IL15: variants seen among roughly 807,000 people sequenced by gnomAD.
IL15 encodes interleukin 15, also known as interleukin-15.
A neutral mutation model predicts 19.6 loss-of-function variants in IL15; 11 were observed. The observed-to-expected ratio is 0.56, with a 90% confidence interval of 0.35 to 0.93. The LOEUF (loss-of-function observed/expected upper bound fraction) is 0.93. IL15 is among the 40% of genes least tolerant of loss of function. The pLI, the probability that IL15 is intolerant of heterozygous loss-of-function variation, is 0.01. For missense variants in IL15, 197 were observed against 186.5 expected, an observed-to-expected ratio of 1.06 and a Z score of -0.33; for synonymous variants, 58 against 59.6, an observed-to-expected ratio of 0.97 and a Z score of 0.12.
chr4:141,728,895 A>G (rs779767772), intron 6 of IL15, among the ~76,000 whole-genome samples: 24 of 152,080 alleles, frequency 1.6e-4, no homozygotes, highest in Non-Finnish European at 3.5e-4. Context: ...CTTTTTTGCA[A>G]GAAGATAACT....
chr4:141,694,495 A>G (rs1208475864), intron 2 of IL15, among the ~76,000 whole-genome samples: 1 of 152,176 alleles, frequency 6.6e-6, no homozygotes, highest in Non-Finnish European at 1.5e-5. Context: ...CAATGAAGGA[A>G]AAAAGAGGCA....
chr4:141,656,046 A>C (rs1727582035), intron 1 of IL15, 140 bp from the exon 2 acceptor site: 11 of 393,884 alleles, frequency 2.8e-5, no homozygotes, highest in Non-Finnish European at 4.5e-5. Context: ...TTCAGTCTTG[A>C]CTTATGCAGT....
intron 2 of IL15, among the ~76,000 whole-genome samples, chr4:141,672,754 C>T (rs907838763): frequency 3.9e-5 from 6 of 152,166 alleles, no homozygotes; most frequent in Non-Finnish European, 8.8e-5. Context: ...TAGCCAATGA[C>T]GTATGTTGAT....
At chr4:141,712,186 A>G (rs1305950055) in intron 2 of IL15, among the ~76,000 whole-genome samples, 1 of 152,078 alleles carries the variant, frequency 6.6e-6, no homozygotes, top group Non-Finnish European at 1.5e-5. Context: ...ACACCTATCT[A>G]TCTGATAATT....
chr4:141,695,650 C>T (rs1456944519), intron 2 of IL15, among the ~76,000 whole-genome samples: 1 of 152,030 alleles, frequency 6.6e-6, no homozygotes, highest in Non-Finnish European at 1.5e-5. Flanking sequence ...TGAGGAACCT[C>T]TATACTGTTT....
chr4:141,719,766 C>T (rs1373478936), intron 3 of IL15, among the ~76,000 whole-genome samples: 1 of 151,982 alleles, frequency 6.6e-6, no homozygotes, highest in East Asian at 1.9e-4. Context: ...TCTTAGAGGG[C>T]AGGGTGTGGG....
chr4:141,684,478 G>A (rs945438962), intron 2 of IL15, among the ~76,000 whole-genome samples: 2 of 152,136 alleles, frequency 1.3e-5, no homozygotes, highest in Admixed American at 6.5e-5. Context: ...TCCCATTGCC[G>A]AGCAAATCAT....
chr4:141,655,456 A>G (rs1479279818), intron 1 of IL15, among the ~76,000 whole-genome samples: 5 of 152,122 alleles, frequency 3.3e-5, no homozygotes, highest in Admixed American at 3.3e-4. Context: ...TTTTCTAAAA[A>G]ACCTTAATCT....
At chr4:141,682,547 C>T (rs1728566458) in intron 2 of IL15, among the ~76,000 whole-genome samples, 1 of 152,116 alleles carries the variant, frequency 6.6e-6, no homozygotes, top group Non-Finnish European at 1.5e-5. Flanking sequence ...AAAAAATGTG[C>T]CAACTCTATA....
intron 2 of IL15, among the ~76,000 whole-genome samples, chr4:141,680,146 C>T (rs1728485492): frequency 6.6e-6 from 1 of 152,102 alleles, no homozygotes; most frequent in Non-Finnish European, 1.5e-5. Flanking sequence ...TTCTTTTTAC[C>T]TTGCCATCCT....
At chr4:141,685,196 G>A (rs2152174359) in intron 2 of IL15, among the ~76,000 whole-genome samples, 1 of 152,236 alleles carries the variant, frequency 6.6e-6, no homozygotes, top group East Asian at 1.9e-4. Context: ...TGAGGTCCTA[G>A]GACCCCCCTA....
At chr4:141,732,099 G>A (rs756897094) in intron 7 of IL15, among the ~76,000 whole-genome samples, 1 of 152,110 alleles carries the variant, frequency 6.6e-6, no homozygotes, top group Admixed American at 6.5e-5. Context: ...AATATGAATA[G>A]AATACATGAC....
intron 1 of IL15, among the ~76,000 whole-genome samples, chr4:141,644,059 A>T (rs1727141176): frequency 6.6e-6 from 1 of 151,864 alleles, no homozygotes; most frequent in Admixed American, 6.6e-5. Flanking sequence ...TGAATCTGCC[A>T]CCAAATTATT....
intron 2 of IL15, among the ~76,000 whole-genome samples, chr4:141,662,914 T>C (rs2152162878): frequency 6.6e-6 from 1 of 152,290 alleles, no homozygotes; most frequent in South Asian, 2.1e-4. Context: ...CACTGATATC[T>C]AAGTTTGATA....
At chr4:141,667,722 C>T (rs1209296495) in intron 2 of IL15, among the ~76,000 whole-genome samples, 5 of 152,040 alleles carry the variant, frequency 3.3e-5, no homozygotes, top group Non-Finnish European at 7.4e-5. Context: ...ATTCTTAAAA[C>T]ATCTTTTGGT....
chr4:141,704,564 A>T (rs1225029449), intron 2 of IL15: 1 of 361,124 alleles, frequency 2.8e-6, no homozygotes, highest in African/African-American at 2.2e-5. Context: ...ATTATAAAAT[A>T]AGTTTAAAAG....
chr4:141,713,889 T>C (rs6841454), intron 2 of IL15, among the ~76,000 whole-genome samples: 2 of 151,920 alleles, frequency 1.3e-5, no homozygotes, highest in African/African-American at 2.4e-5. Context: ...ACACATAACA[T>C]GTTTAAATCC....
chr4:141,664,348 CACA>C (rs1465367400), intron 2 of IL15, among the ~76,000 whole-genome samples: 15 of 119,480 alleles, frequency 1.3e-4, no homozygotes, highest in African/African-American at 5.4e-4. Context: ...GCAAAACACA[CACA>C]CACACACACA....
At chr4:141,663,292 G>A (rs1287883630) in intron 2 of IL15, among the ~76,000 whole-genome samples, 2 of 152,122 alleles carry the variant, frequency 1.3e-5, no homozygotes, top group Non-Finnish European at 2.9e-5. Context: ...TGCTATAGGG[G>A]CAGAAATTGG....
Sources: gnomAD v4.1 joint callset for allele counts (sites outside exome capture counted in the v4.1 genomes callset) on GRCh38, gnomAD v4.1.1 for gene constraint, MANE v1.5 for transcripts, NCBI Gene and HGNC (gene_info 2026-07-23, HGNC 2026-07-21) for gene names.